Variants in IGF2BP2 observed in about 807,000 individuals in gnomAD.
IGF2BP2 encodes the protein insulin like growth factor 2 mRNA binding protein 2.
Under a neutral mutation model 75.8 loss-of-function variants are expected in IGF2BP2, and 17 were observed. The ratio of observed to expected loss-of-function variants is 0.22; its 90% confidence interval spans 0.15 to 0.34. The LOEUF (loss-of-function observed/expected upper bound fraction) is 0.34. Ranked by LOEUF, IGF2BP2 falls within the 10% of genes least tolerant of loss-of-function variation. The pLI, the probability that IGF2BP2 is intolerant of heterozygous loss-of-function variation, is 1.00. For synonymous variants in IGF2BP2, 288 were observed against 295.6 expected (o/e 0.97, Z 0.26); for missense variants, 516 against 772.4 (o/e 0.67, Z 3.93).
intron 2 of IGF2BP2, among the ~76,000 whole-genome samples, chr3:185,764,830 T>C (rs6763887): frequency 0.71 from 107,232 of 152,046 alleles, 38,922 homozygotes; most frequent in African/African-American, 0.87. Flanking sequence ...AGGCTTTATT[T>C]GTCAAGTCAG....
At chr3:185,686,970 G>A (rs1721224405) in intron 7 of IGF2BP2, 87 bp downstream of exon 7, 39 of 1,473,682 alleles carry the variant, frequency 2.6e-5, no homozygotes, top group Non-Finnish European at 3.6e-5. Flanking sequence ...CAGATTTGGA[G>A]TTTTTAAAAA....
chr3:185,738,201 T>G (rs1315295349), intron 2 of IGF2BP2, among the ~76,000 whole-genome samples: 2 of 152,230 alleles, frequency 1.3e-5, no homozygotes, highest in African/African-American at 4.8e-5. Flanking sequence ...GTGGTAAGTA[T>G]TCAACAGAAT....
intron 2 of IGF2BP2, among the ~76,000 whole-genome samples, chr3:185,786,149 T>TA (rs1735859209): frequency 6.6e-6 from 1 of 151,966 alleles, no homozygotes; most frequent in African/African-American, 2.4e-5. Flanking sequence ...ATACCAAAGA[T>TA]AAACTATGTA....
At chr3:185,659,980 G>A (rs1488132398) in intron 10 of IGF2BP2, among the ~76,000 whole-genome samples, 1 of 152,078 alleles carries the variant, frequency 6.6e-6, no homozygotes, top group African/African-American at 2.4e-5. Context: ...TGTTAGTAGA[G>A]ACAGGGTTTC....
chr3:185,646,740 A>G (rs1713627013), intron 15 of IGF2BP2: 1 of 417,410 alleles, frequency 2.4e-6, no homozygotes, highest in Non-Finnish European at 4.5e-6. Context: ...ATGCCCTTAA[A>G]CACTGCAGGG....
chr3:185,722,028 T>G (rs1246732631), intron 2 of IGF2BP2: 1 of 254,076 alleles, frequency 3.9e-6, no homozygotes, highest in African/African-American at 2.4e-5. Flanking sequence ...TTAATTTTAT[T>G]GATATAAGAT....
chr3:185,653,917 C>G (rs1295848556), intron 12 of IGF2BP2, among the ~76,000 whole-genome samples: 1 of 152,196 alleles, frequency 6.6e-6, no homozygotes, highest in Non-Finnish European at 1.5e-5. Context: ...GCATGGATCA[C>G]CTCTGGACCA....
intron 2 of IGF2BP2, among the ~76,000 whole-genome samples, chr3:185,801,971 C>A (rs930042083): frequency 6.6e-6 from 1 of 151,806 alleles, no homozygotes; most frequent in Admixed American, 6.6e-5. Flanking sequence ...AATGAGAACA[C>A]GTGGACACAG....
At chr3:185,734,270 C>T (rs1560380848) in intron 2 of IGF2BP2, among the ~76,000 whole-genome samples, 2 of 152,136 alleles carry the variant, frequency 1.3e-5, no homozygotes, top group Admixed American at 6.5e-5. Flanking sequence ...TCTGTGAGGG[C>T]GGGTTGGGCA....
chr3:185,671,547 A>AAAAAGC, intron 10 of IGF2BP2, among the ~76,000 whole-genome samples: 1 of 151,630 alleles, frequency 6.6e-6, no homozygotes, highest in South Asian at 2.1e-4. Flanking sequence ...AAAAAAAAAA[A>AAAAAGC]AAAAGAAAAA....
intron 2 of IGF2BP2, among the ~76,000 whole-genome samples, chr3:185,809,731 T>A (rs988018098): frequency 6.6e-6 from 1 of 151,332 alleles, no homozygotes; most frequent in Non-Finnish European, 1.5e-5. Context: ...ACCACAATTT[T>A]CCCCCTCCAT....
chr3:185,716,292 A>G, intron 2 of IGF2BP2: 1 of 371,600 alleles, frequency 2.7e-6, no homozygotes, highest in South Asian at 2.3e-5. Flanking sequence ...TATTTTTGGA[A>G]TTCTTTTAAT....
intron 2 of IGF2BP2, among the ~76,000 whole-genome samples, chr3:185,818,268 G>A (rs1011572783): frequency 1.3e-5 from 2 of 152,118 alleles, no homozygotes; most frequent in African/African-American, 4.8e-5. Context: ...AGAATCTTTT[G>A]TGACAGGGGA....
intron 2 of IGF2BP2, among the ~76,000 whole-genome samples, chr3:185,729,327 C>A (rs1253796718): frequency 6.6e-5 from 10 of 152,168 alleles, no homozygotes; most frequent in Admixed American, 6.5e-4. Flanking sequence ...GATGACCATT[C>A]AGATCTGGGT....
At chr3:185,670,289 TAAAAGA>T (rs1028935263) in intron 10 of IGF2BP2, among the ~76,000 whole-genome samples, 33 of 152,166 alleles carry the variant, frequency 2.2e-4, no homozygotes, top group African/African-American at 8.0e-4. Context: ...ATTCTGCTAT[TAAAAGA>T]AAAATTCTCT....
intron 6 of IGF2BP2, 33 bp downstream of exon 6, chr3:185,689,322 G>T: frequency 6.2e-7 from 1 of 1,602,398 alleles, no homozygotes; most frequent in Non-Finnish European, 8.5e-7. Flanking sequence ...GGACCCCTCA[G>T]AAGGAAGCAA....
At chr3:185,795,905 A>C (rs1399113857) in intron 2 of IGF2BP2, among the ~76,000 whole-genome samples, 1 of 152,188 alleles carries the variant, frequency 6.6e-6, no homozygotes, top group Non-Finnish European at 1.5e-5. Context: ...AAAAGAAAAA[A>C]GAAAATGAAA....
chr3:185,654,316 T>C (rs531619258), intron 12 of IGF2BP2, among the ~76,000 whole-genome samples: 106 of 152,328 alleles, frequency 7.0e-4, no homozygotes, highest in African/African-American at 2.5e-3. Context: ...ACACAGAGCC[T>C]GGCCATTGAG....
At position 185,675,987 on chromosome 3, in the gene IGF2BP2, T is replaced by A. The variant is rs556199228; in HGVS notation, c.813-74A>T. On this transcript the variant is annotated intron_variant, in intron 7 of 15. Transcript: ENST00000382199. ...GTCTCCCAAAAACCATTACCTTGCTTTTTTCTTATAAATGGAAGTCATTTT... is the reference window on the plus strand; with the variant it reads ...GTCTCCCAAAAACCATTACCTTGCTATTTTCTTATAAATGGAAGTCATTTT... The A allele has an allele frequency of 1.3e-5, 20 of 1,550,396 alleles. No individual in the cohort carries two copies. In the African/African-American group the frequency reaches 2.8e-4, roughly 21 times the overall value.
Sources: gnomAD v4.1 joint callset for allele counts (sites outside exome capture counted in the v4.1 genomes callset) on GRCh38, gnomAD v4.1.1 for gene constraint, MANE v1.5 for transcripts, NCBI Gene and HGNC (gene_info 2026-07-23, HGNC 2026-07-21) for gene names.